CERT1: variants seen among roughly 807,000 people sequenced by gnomAD.
CERT1 encodes ceramide transfer protein.
A neutral mutation model predicts 87.9 loss-of-function variants in CERT1; 31 were observed. The observed-to-expected ratio is 0.35, with a 90% CI of 0.27 to 0.48. The LOEUF (loss-of-function observed/expected upper bound fraction) is 0.48. Among genes scored for constraint, CERT1 ranks in the 20% least tolerant of loss-of-function variants. The pLI, the probability that CERT1 is intolerant of heterozygous loss-of-function variation, is 0.99. For synonymous variants in CERT1, 289 were observed against 250.9 expected, an observed-to-expected ratio of 1.15 and a Z score of -1.44; for missense variants, 487 against 758.0, an observed-to-expected ratio of 0.64 and a Z score of 4.20.
intron 2 of CERT1, among the ~76,000 whole-genome samples, chr5:75,498,943 T>C (rs1346746554): frequency 6.6e-6 from 1 of 152,232 alleles, no homozygotes; most frequent in Admixed American, 6.5e-5. Context: ...GGGCTTGTAC[T>C]CTGCAAAGCC....
chr5:75,400,339 G>GTATT, intron 9 of CERT1, 42 bp from the exon 10 acceptor site: 1 of 1,412,268 alleles, frequency 7.1e-7, no homozygotes, highest in Non-Finnish European at 9.9e-7. Context: ...GTTTTAAAGT[G>GTATT]TATTTTGTAA....
chr5:75,493,759 G>A (rs1766921636), intron 2 of CERT1, among the ~76,000 whole-genome samples: 1 of 151,822 alleles, frequency 6.6e-6, no homozygotes, highest in African/African-American at 2.4e-5. Flanking sequence ...TTTCTGCTCT[G>A]TTCTCTCTGC....
intron 3 of CERT1, among the ~76,000 whole-genome samples, chr5:75,432,057 C>CTTT (rs578175246): frequency 7.0e-6 from 1 of 143,322 alleles, no homozygotes; most frequent in African/African-American, 2.6e-5. Context: ...TTCCCCCCCC[C>CTTT]TTTTTTTTTT....
chr5:75,386,921 G>GCC (rs1322749237), intron 12 of CERT1, among the ~76,000 whole-genome samples: 12 of 152,176 alleles, frequency 7.9e-5, no homozygotes, highest in Non-Finnish European at 1.8e-4. Context: ...AGGCTGGAGT[G>GCC]CAATGGCGCC....
chr5:75,424,809 A>G (rs761725106), intron 5 of CERT1, among the ~76,000 whole-genome samples: 3 of 152,140 alleles, frequency 2.0e-5, no homozygotes, highest in Non-Finnish European at 2.9e-5. Context: ...TAATGGAATA[A>G]AGAGTATCAT....
chr5:75,433,087 T>C (rs1378714228), intron 3 of CERT1, among the ~76,000 whole-genome samples: 1 of 152,248 alleles, frequency 6.6e-6, no homozygotes, highest in Non-Finnish European at 1.5e-5. Context: ...CTATGCTGTT[T>C]TGTTACTGTA....
exon 18 of CERT1, chr5:75,368,506 C>T (rs1760972236): frequency 1.3e-5 from 2 of 152,310 alleles, no homozygotes; most frequent in South Asian, 2.1e-4. Flanking sequence ...CCAAAGCTCG[C>T]TTTATTTCCT....
chr5:75,493,498 A>G (rs1561302116), intron 2 of CERT1, among the ~76,000 whole-genome samples: 2 of 152,222 alleles, frequency 1.3e-5, no homozygotes, highest in African/African-American at 2.4e-5. Context: ...GGCATCAGCC[A>G]TTGCATCTTA....
intron 11 of CERT1, among the ~76,000 whole-genome samples, chr5:75,392,826 C>T (rs1341354591): frequency 8.6e-5 from 13 of 151,136 alleles, no homozygotes; most frequent in African/African-American, 2.9e-4. Context: ...AAAAATTGGC[C>T]GGGCGTGGTG....
chr5:75,467,766 G>A (rs1253234667), intron 2 of CERT1, among the ~76,000 whole-genome samples: 1 of 151,824 alleles, frequency 6.6e-6, no homozygotes, highest in East Asian at 1.9e-4. Context: ...GAACTACACA[G>A]ATGCACAGAT....
At chr5:75,414,216 T>TA (rs1236430076) in intron 7 of CERT1, among the ~76,000 whole-genome samples, 4 of 152,192 alleles carry the variant, frequency 2.6e-5, no homozygotes, top group Non-Finnish European at 5.9e-5. Context: ...TGACATAGGT[T>TA]AAAACCATAT....
intron 3 of CERT1, among the ~76,000 whole-genome samples, chr5:75,457,626 G>C (rs1765041554): frequency 6.6e-6 from 1 of 151,734 alleles, no homozygotes; most frequent in Non-Finnish European, 1.5e-5. Flanking sequence ...AAAAAAGAAA[G>C]GTAACATAGT....
At chr5:75,371,772 G>GC (rs946937881) in intron 17 of CERT1, 1 of 152,056 alleles carries the variant, frequency 6.6e-6, no homozygotes, top group Non-Finnish European at 1.5e-5. Flanking sequence ...GTAAAGGGTA[G>GC]TTTTTTTTCT....
intron 8 of CERT1, among the ~76,000 whole-genome samples, chr5:75,410,136 T>C (rs933616289): frequency 6.6e-6 from 1 of 152,162 alleles, no homozygotes. Context: ...ACCAAATATA[T>C]TTCTTACACA....
chr5:75,500,757 C>A (rs1445951603), intron 2 of CERT1, among the ~76,000 whole-genome samples: 2 of 152,118 alleles, frequency 1.3e-5, no homozygotes, highest in Non-Finnish European at 2.9e-5. Flanking sequence ...TCTTGGATTT[C>A]TCGCTAATTT....
At chr5:75,437,342 A>G (rs567320122) in intron 3 of CERT1, among the ~76,000 whole-genome samples, 9 of 152,346 alleles carry the variant, frequency 5.9e-5, no homozygotes, top group Non-Finnish European at 1.3e-4. Context: ...AGCAAAATCG[A>G]TGCAACACAT....
chr5:75,400,123 T>G, intron 10 of CERT1, 82 bp downstream of exon 10: 1 of 1,029,530 alleles, frequency 9.7e-7, no homozygotes, highest in Non-Finnish European at 1.5e-6. Context: ...AGAGTGAGAC[T>G]CCGTCTCAAA....
intron 12 of CERT1, among the ~76,000 whole-genome samples, chr5:75,387,782 G>A (rs1761859332): frequency 1.3e-5 from 2 of 151,990 alleles, no homozygotes; most frequent in South Asian, 4.1e-4. Flanking sequence ...TTCATACAGT[G>A]GCTAGTCTAC....
At chr5:75,403,913 A>C (rs34302043) in intron 8 of CERT1, among the ~76,000 whole-genome samples, 1 of 152,252 alleles carries the variant, frequency 6.6e-6, no homozygotes, top group Non-Finnish European at 1.5e-5. Context: ...CATACAAAGA[A>C]CAATAACAAA....
Sources: allele counts gnomAD v4.1 joint callset (sites outside exome capture counted in the v4.1 genomes callset), GRCh38; gene constraint gnomAD v4.1.1; transcripts MANE v1.5; gene names NCBI Gene and HGNC (gene_info 2026-07-23, HGNC 2026-07-21).